Variants in ASPSCR1 observed in about 807,000 individuals in gnomAD.
ASPSCR1 encodes tether containing UBX domain for GLUT4.
In ASPSCR1, 55 loss-of-function variants were observed where a neutral mutation model predicts 68.9. The observed-to-expected ratio is 0.80, with a 90% confidence interval of 0.64 to 1.00. The LOEUF is 1.00. Among genes scored for constraint, ASPSCR1 ranks in the 50% least tolerant of loss-of-function variants. ASPSCR1 has a pLI of 0.00. For synonymous variants in ASPSCR1, 352 were observed against 332.6 expected (o/e 1.06, Z -0.63); for missense variants, 765 against 762.2 (o/e 1.00, Z -0.04).
In ASPSCR1 at chr17:81,979,219, C is replaced by T. The variant is rs79496236; in HGVS notation, c.138C>T (p.Asn46=). ...ACACGTGCCGGCGGCAGGACTTCAA[C>T]CCCTGTGAATATGATCTGAAGTGAG... is the stretch of plus-strand genomic sequence containing the variant. ...LEDTCRRQDF[N]PCEYDLKFQR... is the part of the protein sequence containing the mutation. The change falls in exon 2 of 16, where the codon AAC becomes AAT. Residue 46 remains asparagine (N), a synonymous_variant. Coordinates refer to ENST00000306739, the MANE Select transcript of ASPSCR1 (RefSeq NM_024083.4). The T allele has an allele frequency of 1.9e-5, 30 of 1,614,000 alleles. No homozygotes were observed. In the East Asian group the frequency reaches 2.7e-4, roughly 14 times the overall value.
At chr17:82,003,980 C>A (rs1261596722) in intron 7 of ASPSCR1, among the ~76,000 whole-genome samples, 1 of 152,236 alleles carries the variant, frequency 6.6e-6, no homozygotes, top group African/African-American at 2.4e-5. Context: ...CGGGCCGAGA[C>A]GGTGGGAGGG....
chr17:82,010,926 CG>C, intron 10 of ASPSCR1, 58 bp downstream of exon 10: 2 of 1,573,472 alleles, frequency 1.3e-6, no homozygotes, highest in Non-Finnish European at 1.7e-6. Flanking sequence ...GGGCCTCTCC[CG>C]GCTCCTTCCT....
Position 81,977,680 on chromosome 17 carries a change from G to C in ASPSCR1, c.34G>C (p.Val12Leu). The C allele has an allele frequency of 7.2e-7, 1 of 1,398,566 alleles. No individual in the cohort carries two copies. Among genetic ancestry groups the C allele is most frequent in the South Asian group, 1.4e-5 (1 of 69,064 alleles). The allele number at this position is 1,398,566 out of a possible 1,614,324, so 86.6% of individuals were successfully genotyped here. A position where few individuals can be genotyped will look rare whatever the true frequency, so the allele number is the denominator to read the frequency against. ...CCCGGCAGGCGGCGGAGGCTCCGCGGTGTCGGTGCTGGCCCCGAACGGCCG... is the reference window on the plus strand; with the variant it reads ...CCCGGCAGGCGGCGGAGGCTCCGCGCTGTCGGTGCTGGCCCCGAACGGCCG... ...AAPAGGGGSA[V>L]SVLAPNGRRH... is the part of the protein sequence containing the mutation. The change falls in exon 1 of 16, where the codon GTG becomes CTG. Residue 12 changes from valine to leucine, a missense_variant. Physicochemically the swap from Val to Leu is conservative, Grantham distance 32. Coordinates refer to ENST00000306739, the MANE Select transcript of ASPSCR1 (RefSeq NM_024083.4). This position sits in a 1 kb window ranked among gnomAD's most constrained non-coding sequence, Gnocchi z 5.0.
chr17:82,000,309 G>A lies in ASPSCR1; in HGVS notation c.933+3463G>A, dbSNP rs554498970. 2.9e-3 allele frequency among the ~76,000 whole-genome samples: 442 copies of A among 152,358 alleles called. 2 individuals are homozygous for A. The highest frequency in any genetic ancestry group is 6.8e-3 in the Middle Eastern group (2 of 294). On this transcript the variant is annotated intron_variant, in intron 7 of 15. Coordinates refer to ENST00000306739, the MANE Select transcript of ASPSCR1 (RefSeq NM_024083.4). ...CGCCCGTGCTCGCCCGTCGGGAGGC[G>A]CTGTTGGGGTGGGGTCTTGGCTGGC...
In ASPSCR1 at chr17:82,009,502, G is replaced by A; in HGVS notation, c.1105G>A (p.Ala369Thr). ...LKSERKRLEE[A>T]PLVTKAFREA... is the part of the protein sequence containing the mutation. ...TCACCACAGGAAGCGCCTGGAAGAA[G>A]CCCCCTTGGTGACCAAGGCCTTCAG... Residue 369 changes from alanine to threonine, a missense_variant, in exon 9 of 16, where the codon GCC (alanine) becomes ACC (threonine). By Grantham distance (58) the Ala-to-Thr change is moderately conservative (BLOSUM62 0). Transcript: ENST00000306739. 6.3e-7 allele frequency: 1 copy of A among 1,582,930 alleles called. No homozygotes were observed. Among genetic ancestry groups the A allele is most frequent in the Non-Finnish European group, 8.6e-7 (1 of 1,164,706 alleles).
chr17:81,977,917 TGGGGTCCCG>T lies in ASPSCR1; in HGVS notation c.102+188_102+196del, dbSNP rs574787640. 2.4e-3 allele frequency: 1,001 copies of T among 425,878 alleles called. 5 individuals are homozygous for T. The highest frequency in any genetic ancestry group is 5.9e-3 in the African/African-American group (281 of 47,586). The allele number at this position is 425,878 out of a possible 1,614,324, so 26.4% of individuals were successfully genotyped here. On this transcript the variant is annotated intron_variant, in intron 1 of 15. Transcript: ENST00000306739. The surrounding 1 kb of genome is among the most constrained non-coding windows in gnomAD (Gnocchi z 5.0). ...TGCTCGCCGTCACCTGCGCTTCCGC[TGGGGTCCCG>T]GGGGTCCCGGGGGTCCCGAGTGGGG...
intron 5 of ASPSCR1, chr17:81,995,692 C>G (rs1342889698): frequency 2.3e-5 from 13 of 558,158 alleles, no homozygotes; most frequent in South Asian, 4.1e-5. Flanking sequence ...CCAGGGCTTC[C>G]TCCTTGCAGC....
chr17:81,992,764 C>A (rs1164437560), intron 4 of ASPSCR1, among the ~76,000 whole-genome samples: 1 of 152,254 alleles, frequency 6.6e-6, no homozygotes, highest in Non-Finnish European at 1.5e-5. Flanking sequence ...GAGTCTCCAG[C>A]CATTTGGAGG....
intron 2 of ASPSCR1, among the ~76,000 whole-genome samples, chr17:81,981,146 C>T (rs1338608889): frequency 1.3e-5 from 2 of 152,110 alleles, no homozygotes; most frequent in Non-Finnish European, 2.9e-5. Flanking sequence ...TTGAAGAAAC[C>T]GCAAGAGAGA....
At chr17:81,980,710 G>C (rs527547530) in intron 2 of ASPSCR1, among the ~76,000 whole-genome samples, 14 of 152,360 alleles carry the variant, frequency 9.2e-5, no homozygotes, top group Admixed American at 5.2e-4. Context: ...ACCGAATGGG[G>C]TGGCTGATAC....
chr17:81,994,887 C>T lies in ASPSCR1; in HGVS notation c.432+9C>T, dbSNP rs1236817080. On this transcript the variant is annotated intron_variant, in intron 5 of 15. Coordinates refer to ENST00000306739, the MANE Select transcript of ASPSCR1 (RefSeq NM_024083.4). ...TGTACACGAGGGATGAGGTAGGCGG[C>T]CTGCTCTTGCTCACCCAGTCCCCGC... 1.1e-5 allele frequency: 17 copies of T among 1,608,340 alleles called. No individual in the cohort carries two copies. Among genetic ancestry groups the T allele is most frequent in the Non-Finnish European group, 1.4e-5 (17 of 1,177,012 alleles).
Position 81,999,086 on chromosome 17 carries a change from C to T in ASPSCR1, c.933+2240C>T, listed in dbSNP as rs527296268. ...AAACCTGACTTCCTCAGCTTCCTCA[C>T]CTGCAGAACTAAGGTGTTCGTGGCA... On this transcript the variant is annotated intron_variant, in intron 7 of 15. Coordinates refer to ENST00000306739, the MANE Select transcript of ASPSCR1 (RefSeq NM_024083.4). The surrounding 1 kb of genome is among the most constrained non-coding windows in gnomAD (Gnocchi z 4.4). 1.1e-3 allele frequency among the ~76,000 whole-genome samples: 174 copies of T among 152,374 alleles called. No homozygotes were observed. Among genetic ancestry groups the T allele is most frequent in the Non-Finnish European group, 2.1e-3 (141 of 68,044 alleles).
chr17:82,015,200 T>G, intron 12 of ASPSCR1: 1 of 1,598,250 alleles, frequency 6.3e-7, no homozygotes, highest in Non-Finnish European at 8.5e-7. Flanking sequence ...CTGGGAGGCT[T>G]CTTTTTTGGG....
In ASPSCR1 at chr17:82,014,934, G is replaced by A. The variant is rs1045421011; in HGVS notation, c.1354-1542G>A. 20 of 1,044,970 alleles carry A rather than the reference G, an allele frequency of 1.9e-5. 1 individual carries two copies. Among genetic ancestry groups the A allele is most frequent in the South Asian group, 1.9e-4 (11 of 59,288 alleles). 64.7% of individuals were successfully genotyped at this position (1,044,970 alleles called of 1,614,324 possible). A position where few individuals can be genotyped will look rare whatever the true frequency, so the allele number is the denominator to read the frequency against. Reference sequence around the variant, plus strand: ...GCACCCCCACTTCTCCCTGTCAGCCGAGGGAGCCAGGCAGGGGCAGCCTGA... The same window carrying A: ...GCACCCCCACTTCTCCCTGTCAGCCAAGGGAGCCAGGCAGGGGCAGCCTGA... On this transcript the variant is annotated intron_variant, in intron 12 of 15. Coordinates refer to ENST00000306739, the MANE Select transcript of ASPSCR1 (RefSeq NM_024083.4).
intron 12 of ASPSCR1, chr17:82,015,660 CTT>C: frequency 2.3e-6 from 1 of 433,568 alleles, no homozygotes; most frequent in Non-Finnish European, 4.2e-6. Flanking sequence ...GTCCCCTGGG[CTT>C]CTGTGAGCAG....
At chr17:82,002,759 T>A (rs1322457874) in intron 7 of ASPSCR1, among the ~76,000 whole-genome samples, 3 of 152,068 alleles carry the variant, frequency 2.0e-5, no homozygotes, top group Non-Finnish European at 4.4e-5. Flanking sequence ...GGTTTTACCA[T>A]GTTTGTCAGG....
rs1445426472 is a variant in ASPSCR1, at chr17:81,997,495, T to G, written c.933+649T>G. 6.0e-5 allele frequency among the ~76,000 whole-genome samples: 9 copies of G among 148,924 alleles called. No individual in the cohort carries two copies. In the South Asian group the frequency reaches 1.1e-3, roughly 18 times the overall value. On this transcript the variant is annotated intron_variant, in intron 7 of 15. Transcript: ENST00000306739. Reference sequence around the variant, plus strand: ...GATTTTTTTTTTTCTGGGTTTTTTTTTTTTTTTTTTTGAGACAGAGTCTCA... The same window carrying G: ...GATTTTTTTTTTTCTGGGTTTTTTTGTTTTTTTTTTTGAGACAGAGTCTCA...
In ASPSCR1 at chr17:81,987,655, C is replaced by G. The variant is rs1335061249; in HGVS notation, c.374+2048C>G. ...TGGTAGCATAAGCCTCTTCAACAGA[C>G]TTTGTAAACCTCGTGTGAAACTTAG... On this transcript the variant is annotated intron_variant, in intron 4 of 15. Coordinates refer to ENST00000306739, the MANE Select transcript of ASPSCR1 (RefSeq NM_024083.4). The surrounding 1 kb of genome is among the most constrained non-coding windows in gnomAD (Gnocchi z 5.6). Among the ~76,000 whole-genome samples the G allele has an allele frequency of 6.6e-6, 1 of 152,162 alleles. No homozygotes were observed. Among genetic ancestry groups the G allele is most frequent in the Non-Finnish European group, 1.5e-5 (1 of 68,034 alleles).
At chr17:81,992,274 G>A (rs1319233106) in intron 4 of ASPSCR1, among the ~76,000 whole-genome samples, 3 of 152,154 alleles carry the variant, frequency 2.0e-5, no homozygotes, top group Non-Finnish European at 2.9e-5. Context: ...CTCCTCGGGC[G>A]CTGGAATTTC....
Sources: allele counts gnomAD v4.1 joint callset (sites outside exome capture counted in the v4.1 genomes callset), GRCh38; gene constraint gnomAD v4.1.1; non-coding constraint Gnocchi (gnomAD v3.1); transcripts MANE v1.5; gene names NCBI Gene and HGNC (gene_info 2026-07-23, HGNC 2026-07-21).